The following UIMC1 variants were observed in gnomAD, a reference collection of about 807,000 sequenced individuals.
The protein encoded by UIMC1 is BRCA1-A complex subunit RAP80.
A neutral mutation model predicts 84.9 loss-of-function variants in UIMC1; 42 were observed. That is an observed-to-expected ratio of 0.49 (90% CI 0.39 to 0.64). The LOEUF is 0.64. Ranked by LOEUF, UIMC1 falls within the 30% of genes least tolerant of loss-of-function variation. The probability of loss-of-function intolerance (pLI) is 0.00; values close to 1 mark genes in which losing one functional copy is unlikely to be tolerated. For synonymous variants in UIMC1, 281 were observed against 293.0 expected, an observed-to-expected ratio of 0.96 and a Z score of 0.42; for missense variants, 825 against 847.6, an observed-to-expected ratio of 0.97 and a Z score of 0.33.
chr5:177,008,143 C>A (rs568587020), upstream of UIMC1, among the ~76,000 whole-genome samples: 1 of 150,738 alleles, frequency 6.6e-6, no homozygotes, highest in Non-Finnish European at 1.5e-5. Context: ...TAAAAATAAA[C>A]GTAAGAAAAT....
chr5:177,003,020 A>G lies in UIMC1; in HGVS notation c.-9+3630T>C, dbSNP rs1774760865. Among the ~76,000 whole-genome samples, 4 of 152,194 alleles carry G rather than the reference A, an allele frequency of 2.6e-5. No individual in the cohort carries two copies. In the South Asian group the frequency reaches 6.2e-4, roughly 24 times the overall value. On this transcript the variant is annotated intron_variant, in intron 1 of 14. Transcript: ENST00000511320. ...TGCTTGATACAGGATACGCACCTAT[A>G]AATATTTGCTGAGTGAATAAAGAGC...
intron 11 of UIMC1, among the ~76,000 whole-genome samples, chr5:176,910,818 C>T (rs1333525403): frequency 1.3e-5 from 2 of 152,180 alleles, no homozygotes; most frequent in African/African-American, 4.8e-5. Context: ...GGGCTGGGCA[C>T]AGTGGCTCAC....
intron 4 of UIMC1, 60 bp from the exon 5 acceptor site, chr5:176,969,766 G>A: frequency 2.1e-6 from 3 of 1,456,758 alleles, no homozygotes; most frequent in Non-Finnish European, 2.8e-6. Flanking sequence ...TATATGAAGG[G>A]TCACAGGAAG....
intron 11 of UIMC1, 144 bp from the exon 12 acceptor site, chr5:176,908,838 A>G: frequency 1.3e-6 from 1 of 799,648 alleles, no homozygotes; most frequent in South Asian, 2.0e-5. Context: ...TTCACTCAGC[A>G]GGATCACCAA....
intron 3 of UIMC1, among the ~76,000 whole-genome samples, chr5:176,975,101 C>G (rs1769856694): frequency 1.3e-5 from 2 of 151,894 alleles, no homozygotes; most frequent in Admixed American, 1.3e-4. Flanking sequence ...CATACCATAC[C>G]CCTACACTTA....
intron 1 of UIMC1, among the ~76,000 whole-genome samples, chr5:176,984,489 C>T (rs1346132512): frequency 6.7e-6 from 1 of 149,196 alleles, no homozygotes; most frequent in Admixed American, 6.7e-5. Context: ...TGCCTGGCCG[C>T]CCCATCTAGG....
chr5:177,010,123 G>C (rs1775513595), upstream of UIMC1, among the ~76,000 whole-genome samples: 1 of 152,192 alleles, frequency 6.6e-6, no homozygotes, highest in Non-Finnish European at 1.5e-5. Flanking sequence ...GGCCGAGGCA[G>C]AAGGATCTGT....
At chr5:176,977,599 AAAAG>A (rs1378486461) in intron 2 of UIMC1, among the ~76,000 whole-genome samples, 13 of 111,816 alleles carry the variant, frequency 1.2e-4, no homozygotes, top group Non-Finnish European at 1.6e-4. Context: ...AAAAAAAAAG[AAAAG>A]AAAAAAAAAA....
chr5:176,908,781 T>C (rs1362827310), intron 11 of UIMC1, 87 bp from the exon 12 acceptor site: 3 of 1,436,718 alleles, frequency 2.1e-6, no homozygotes, highest in Non-Finnish European at 2.8e-6. Context: ...ATTGTGTTTT[T>C]ACGTCGCAAA....
chr5:177,012,460 G>C (rs1372972606), intron 1 of UIMC1, among the ~76,000 whole-genome samples: 2 of 152,088 alleles, frequency 1.3e-5, no homozygotes, highest in Non-Finnish European at 2.9e-5. Context: ...CACTTTGGGA[G>C]GCTGGGTGGA....
chr5:177,003,526 G>C (rs1235536590), intron 1 of UIMC1, among the ~76,000 whole-genome samples: 1 of 152,072 alleles, frequency 6.6e-6, no homozygotes, highest in Non-Finnish European at 1.5e-5. Flanking sequence ...GGTGGTGCGC[G>C]CCTGTGATCC....
chr5:176,943,245 A>T, intron 10 of UIMC1, 90 bp downstream of exon 10: 1 of 1,436,712 alleles, frequency 7.0e-7, no homozygotes, highest in East Asian at 2.4e-5. Context: ...TTTGAAGAAC[A>T]GCTATGTTTT....
At chr5:177,004,795 GAC>G (rs1775028441) in intron 1 of UIMC1, among the ~76,000 whole-genome samples, 2 of 152,188 alleles carry the variant, frequency 1.3e-5, no homozygotes. Flanking sequence ...TTAAAATCTT[GAC>G]AGTCTGGGTA....
intron 1 of UIMC1, among the ~76,000 whole-genome samples, chr5:177,000,720 G>C (rs866291750): frequency 6.6e-6 from 1 of 151,716 alleles, no homozygotes; most frequent in African/African-American, 2.4e-5. Flanking sequence ...GGCTGGTCTC[G>C]AACTCCCGAC....
chr5:176,965,879 C>T lies in UIMC1; in HGVS notation c.1200+2676G>A, dbSNP rs76275678. Among the ~76,000 whole-genome samples the T allele has an allele frequency of 4.1e-3, 631 of 152,294 alleles. 5 individuals carry two copies. Among genetic ancestry groups the T allele is most frequent in the African/African-American group, 0.014 (587 of 41,530 alleles). ...CCCCTGGGATCTTGCAAGCTAACAA[C>T]TTGAATTACAATAAATCATTAAGTG... On this transcript the variant is annotated intron_variant, in intron 6 of 14. Coordinates refer to ENST00000511320, the MANE Select transcript of UIMC1 (RefSeq NM_001199298.2).
Position 176,908,415 on chromosome 5 carries a change from G to A in UIMC1, c.1848+108C>T, listed in dbSNP as rs182775286. On this transcript the variant is annotated intron_variant, in intron 12 of 14. Coordinates refer to ENST00000511320, the MANE Select transcript of UIMC1 (RefSeq NM_001199298.2). Reference sequence around the variant, plus strand: ...CACAAATCTTGTTTCAAGATAAATAGAGGGAAGAGGGGAGGGAGAAGAGGG... The same window carrying A: ...CACAAATCTTGTTTCAAGATAAATAAAGGGAAGAGGGGAGGGAGAAGAGGG... The A allele has an allele frequency of 1.8e-3, 2,014 of 1,104,596 alleles. 6 individuals are homozygous for A. Among genetic ancestry groups the A allele is most frequent in the Non-Finnish European group, 2.3e-3 (1,886 of 810,810 alleles). The allele number at this position is 1,104,596 out of a possible 1,614,324, so 68.4% of individuals were successfully genotyped here.
chr5:176,979,299 T>C (rs1770646939), intron 2 of UIMC1, among the ~76,000 whole-genome samples: 3 of 152,090 alleles, frequency 2.0e-5, no homozygotes, highest in Non-Finnish European at 4.4e-5. Flanking sequence ...CATGGGAAGA[T>C]AGAATACATA....
chr5:176,949,819 G>C (rs971052937), intron 9 of UIMC1, among the ~76,000 whole-genome samples: 1 of 152,094 alleles, frequency 6.6e-6, no homozygotes, highest in Non-Finnish European at 1.5e-5. Flanking sequence ...CAGCACTTTG[G>C]GAGGCCTAGT....
intron 1 of UIMC1, among the ~76,000 whole-genome samples, chr5:177,018,371 A>AAAG: frequency 6.6e-6 from 1 of 152,064 alleles, no homozygotes; most frequent in African/African-American, 2.4e-5. Context: ...AAAAGAAAGA[A>AAAG]AAACTAGAGT....
Sources: allele counts gnomAD v4.1 joint callset (sites outside exome capture counted in the v4.1 genomes callset), GRCh38; gene constraint gnomAD v4.1.1; transcripts MANE v1.5; gene names NCBI Gene and HGNC (gene_info 2026-07-23, HGNC 2026-07-21).